Variants in TMX2 observed in about 807,000 individuals in gnomAD.
The protein encoded by TMX2 is thioredoxin related transmembrane protein 2, also known as thioredoxin-related transmembrane protein 2.
TMX2 carries 20 observed loss-of-function variants against 33.4 expected under a neutral mutation model. The observed-to-expected ratio is 0.60, with a 90% confidence interval of 0.42 to 0.87. TMX2 has a LOEUF of 0.87. Ranked by LOEUF, TMX2 falls within the 40% of genes least tolerant of loss-of-function variation. The pLI is 0.00. For missense variants in TMX2, 340 were observed against 370.7 expected (o/e 0.92, Z 0.68); for synonymous variants, 166 against 140.7 (o/e 1.18, Z -1.27).
chr11:57,733,315 G>C, intron 1 of TMX2, among the ~76,000 whole-genome samples: 1 of 139,358 alleles, frequency 7.2e-6, no homozygotes. Context: ...GAGTGCAATA[G>C]CGCTTTCTCG....
intron 1 of TMX2, among the ~76,000 whole-genome samples, chr11:57,731,433 C>CTTTTT (rs140987390): frequency 7.5e-5 from 5 of 67,006 alleles, no homozygotes; most frequent in South Asian, 1.1e-3. Context: ...CGCACCCAGC[C>CTTTTT]TTTTTTTTTT....
At chr11:57,727,405 A>G (rs1372132089) in intron 1 of TMX2, among the ~76,000 whole-genome samples, 1 of 152,124 alleles carries the variant, frequency 6.6e-6, no homozygotes, top group East Asian at 1.9e-4. Context: ...GTTGGTCTAC[A>G]CATACATTCT....
chr11:57,729,391 T>C (rs371511057), intron 1 of TMX2, among the ~76,000 whole-genome samples: 1 of 152,214 alleles, frequency 6.6e-6, no homozygotes, highest in Non-Finnish European at 1.5e-5. Context: ...TGTTCTCTGT[T>C]TTTTTGCAAG....
At chr11:57,734,991 G>T (rs1204947993) in intron 1 of TMX2, among the ~76,000 whole-genome samples, 1 of 151,218 alleles carries the variant, frequency 6.6e-6, no homozygotes, top group Non-Finnish European at 1.5e-5. Context: ...AAAGCCGGGC[G>T]TGGTGGTGGG....
At chr11:57,739,790 C>T (rs1217805000) in intron 7 of TMX2, among the ~76,000 whole-genome samples, 1 of 152,032 alleles carries the variant, frequency 6.6e-6, no homozygotes, top group Admixed American at 6.6e-5. Flanking sequence ...AAGGCCACTG[C>T]ACCTATTGTC....
chr11:57,736,555 C>A lies in TMX2; in HGVS notation c.190-1053C>A, dbSNP rs778174967. On this transcript the variant is annotated intron_variant, in intron 1 of 7. Transcript: ENST00000278422. ...CAGCTCTCAAATTATATCAAAAGTA[C>A]ATGGATTATCACGATGCATATTGGG... Among the ~76,000 whole-genome samples, 6 of 151,924 alleles carry A rather than the reference C, an allele frequency of 3.9e-5. No individual in the cohort carries two copies. The East Asian group carries it at 1.2e-3, about 29-fold the overall frequency.
intron 1 of TMX2, among the ~76,000 whole-genome samples, chr11:57,732,167 A>G (rs149458519): frequency 6.6e-6 from 1 of 151,892 alleles, no homozygotes; most frequent in Non-Finnish European, 1.5e-5. Context: ...TCCTTTTCTC[A>G]TGTCAATCTG....
chr11:57,739,191 T>C lies in TMX2; in HGVS notation c.675T>C (p.Gly225=), dbSNP rs748305775. Residue 225 remains glycine (G), a synonymous_variant, in exon 7 of 8, where the codon GGT becomes GGC. Coordinates refer to ENST00000278422, the MANE Select transcript of TMX2 (RefSeq NM_015959.4). The part of the protein sequence containing the change: ...KQLPTLILFQ[G]GKEAMRRPQI... ...TCCCTACCCTGATCCTGTTCCAAGG[T>C]GGCAAGGAGGCAATGCGGCGGCCAC... 9 of 1,613,986 alleles carry C rather than the reference T, an allele frequency of 5.6e-6. No individual in the cohort carries two copies. The South Asian group carries it at 8.8e-5, about 16-fold the overall frequency.
intron 1 of TMX2, among the ~76,000 whole-genome samples, chr11:57,735,079 G>A (rs1050189659): frequency 3.3e-5 from 5 of 152,046 alleles, no homozygotes; most frequent in South Asian, 2.1e-4. Context: ...GCAATGAGCC[G>A]AGATCATGCC....
At chr11:57,735,722 T>A (rs1445162087) in intron 1 of TMX2, among the ~76,000 whole-genome samples, 1 of 152,182 alleles carries the variant, frequency 6.6e-6, no homozygotes, top group Non-Finnish European at 1.5e-5. Flanking sequence ...ACGTGCATGC[T>A]CAGTTGAGCT....
At chr11:57,718,320 C>T in intron 1 of TMX2, 2 of 1,558,184 alleles carry the variant, frequency 1.3e-6, no homozygotes, top group Admixed American at 1.7e-5. Context: ...GCCACCAGTG[C>T]CATTATGGCG....
chr11:57,740,048 T>G, intron 7 of TMX2, 51 bp from the exon 8 acceptor site: 1 of 1,612,436 alleles, frequency 6.2e-7, no homozygotes. Context: ...TCCCAGGCTC[T>G]TTACTCTCCC....
intron 1 of TMX2, among the ~76,000 whole-genome samples, chr11:57,719,366 T>C (rs1022173312): frequency 1.3e-5 from 2 of 151,634 alleles, no homozygotes; most frequent in Non-Finnish European, 2.9e-5. Context: ...CTTTCTGCTT[T>C]TTCTCTTTTG....
intron 1 of TMX2, among the ~76,000 whole-genome samples, chr11:57,735,685 G>A (rs1014647128): frequency 1.3e-5 from 2 of 152,170 alleles, no homozygotes; most frequent in African/African-American, 4.8e-5. Context: ...TATCGGCAGA[G>A]TCATGAATAT....
intron 1 of TMX2, among the ~76,000 whole-genome samples, chr11:57,724,334 G>A (rs1026730519): frequency 6.6e-6 from 1 of 152,088 alleles, no homozygotes; most frequent in African/African-American, 2.4e-5. Flanking sequence ...ACCAAGTGAA[G>A]TACCCCAGAT....
intron 1 of TMX2, among the ~76,000 whole-genome samples, chr11:57,716,626 ACCTC>A (rs1261814104): frequency 1.1e-5 from 1 of 91,494 alleles, no homozygotes; most frequent in East Asian, 3.6e-4. Flanking sequence ...TGACCCCCCC[ACCTC>A]CCTCCCGGAC....
At chr11:57,730,298 G>T (rs188867830) in intron 1 of TMX2, among the ~76,000 whole-genome samples, 2,539 of 150,600 alleles carry the variant, frequency 0.017, 26 homozygotes, top group Non-Finnish European at 0.026. Context: ...ATGGTGGTGG[G>T]CGCCTATAAT....
At chr11:57,738,623 C>T in intron 4 of TMX2, 41 bp from the exon 5 acceptor site, 1 of 1,539,826 alleles carries the variant, frequency 6.5e-7, no homozygotes, top group Non-Finnish European at 9.0e-7. Flanking sequence ...TCCCAGGAGG[C>T]TATGTGGATC....
At chr11:57,715,780 G>T (rs1946951829) in intron 1 of TMX2, among the ~76,000 whole-genome samples, 1 of 151,132 alleles carries the variant, frequency 6.6e-6, no homozygotes, top group African/African-American at 2.4e-5. Flanking sequence ...GAGTGGTGAT[G>T]ATTCTTAACG....
Sources: allele counts gnomAD v4.1 joint callset (sites outside exome capture counted in the v4.1 genomes callset), GRCh38; gene constraint gnomAD v4.1.1; transcripts MANE v1.5; gene names NCBI Gene and HGNC (gene_info 2026-07-23, HGNC 2026-07-21).